The following ARHGEF7 variants were observed in gnomAD, a reference collection of about 807,000 sequenced individuals.
The protein encoded by ARHGEF7 is PAK-interacting exchange factor beta.
ARHGEF7 carries 33 observed loss-of-function variants against 109.8 expected under a neutral mutation model. That is an observed-to-expected ratio of 0.30 (90% CI 0.23 to 0.40). The LOEUF is 0.40. Ranked by LOEUF, ARHGEF7 falls within the 10% of genes least tolerant of loss-of-function variation. ARHGEF7 has a pLI of 1.00. For missense variants in ARHGEF7, 938 were observed against 1,098.5 expected, an observed-to-expected ratio of 0.85 and a Z score of 2.07; for synonymous variants, 458 against 424.6, an observed-to-expected ratio of 1.08 and a Z score of -0.97.
At chr13:111,133,335 CAT>C in intron 1 of ARHGEF7, among the ~76,000 whole-genome samples, 1 of 152,178 alleles carries the variant, frequency 6.6e-6, no homozygotes, top group East Asian at 1.9e-4. Flanking sequence ...CATATGCAGA[CAT>C]ACACATGCAC....
chr13:111,269,868 C>G (rs569789640), intron 9 of ARHGEF7, among the ~76,000 whole-genome samples: 1 of 152,324 alleles, frequency 6.6e-6, no homozygotes, highest in East Asian at 1.9e-4. Context: ...CTACCTCCTG[C>G]CTTTGTACTT....
chr13:111,162,752 T>C (rs2076842365), intron 2 of ARHGEF7, among the ~76,000 whole-genome samples: 1 of 152,234 alleles, frequency 6.6e-6, no homozygotes, highest in Admixed American at 6.5e-5. Flanking sequence ...TTAGATTTTT[T>C]TTAGCCAAGA....
intron 8 of ARHGEF7, among the ~76,000 whole-genome samples, chr13:111,261,221 CAAAA>C (rs1163606477): frequency 2.6e-5 from 4 of 151,082 alleles, no homozygotes; most frequent in Non-Finnish European, 4.4e-5. Flanking sequence ...ACCAAAAAGA[CAAAA>C]AACCCAATGA....
chr13:111,221,413 ATGT>A (rs2084106616), intron 5 of ARHGEF7, among the ~76,000 whole-genome samples: 1 of 16,160 alleles, frequency 6.2e-5, no homozygotes, highest in African/African-American at 1.6e-4. Flanking sequence ...ATATATATAG[ATGT>A]CTATATATCT....
intron 19 of ARHGEF7, chr13:111,294,488 A>G (rs2093380749): frequency 8.1e-6 from 8 of 985,466 alleles, no homozygotes; most frequent in Non-Finnish European, 9.6e-6. Flanking sequence ...ACGGTTTACC[A>G]TCATTCCATT....
intron 3 of ARHGEF7, 86 bp from the exon 4 acceptor site, chr13:111,209,786 C>A: frequency 6.7e-7 from 1 of 1,491,450 alleles, no homozygotes; most frequent in Non-Finnish European, 9.1e-7. Context: ...CTCTGTGCTG[C>A]CCTAGTTTTA....
intron 19 of ARHGEF7, among the ~76,000 whole-genome samples, chr13:111,295,669 ACT>A (rs1437741585): frequency 1.3e-5 from 2 of 151,860 alleles, no homozygotes; most frequent in African/African-American, 2.4e-5. Flanking sequence ...AATGTAGAAA[ACT>A]CTCTCAGCAC....
chr13:111,221,506 T>G lies in ARHGEF7; in HGVS notation c.670+3626T>G, dbSNP rs1364268678. Among the ~76,000 whole-genome samples the G allele has an allele frequency of 3.4e-3, 213 of 62,698 alleles. 4 individuals carry two copies. The highest frequency in any genetic ancestry group is 0.019 in the Middle Eastern group (1 of 54). 41.1% of individuals were successfully genotyped at this position (62,698 alleles called of 152,430 possible). A position where few individuals can be genotyped will look rare whatever the true frequency, so the allele number is the denominator to read the frequency against. On this transcript the variant is annotated intron_variant, in intron 5 of 21. Transcript: ENST00000646102. ...ATATATATAGACATATATATATCTA[T>G]ATATATAGATATATATCTATATATA...
chr13:111,305,057 G>C lies in ARHGEF7; in HGVS notation c.*1944G>C, dbSNP rs769402648. 6.6e-6 allele frequency: 1 copy of C among 152,224 alleles called. No individual in the cohort carries two copies. Among genetic ancestry groups the C allele is most frequent in the African/African-American group, 2.4e-5 (1 of 41,456 alleles). 9.4% of individuals were successfully genotyped at this position (152,224 alleles called of 1,614,324 possible). Reference sequence around the variant, plus strand: ...CTCGGAGCCGGTAGCGTTGCTGTCCGAGTCCCCAGGACGGATCTCCTGCAG... The same window carrying C: ...CTCGGAGCCGGTAGCGTTGCTGTCCCAGTCCCCAGGACGGATCTCCTGCAG... On this transcript the variant is annotated 3_prime_UTR_variant, in exon 22 of 22. Transcript: ENST00000646102.
chr13:111,205,450 A>G, intron 3 of ARHGEF7, 77 bp downstream of exon 3: 1 of 966,116 alleles, frequency 1.0e-6, no homozygotes, highest in Non-Finnish European at 1.5e-6. Flanking sequence ...TGTTTTACCA[A>G]AGCCAGGGGA....
In ARHGEF7 at chr13:111,280,253, G is replaced by A; in HGVS notation, c.1507-19G>A. On this transcript the variant is annotated intron_variant, in intron 13 of 21. Transcript: ENST00000646102. Reference sequence around the variant, plus strand: ...AAGCACTAATTGTTTTTTTTTTTGTGGGGGGGGGTCTTTTTTAGGGAAAGC... The same window carrying A: ...AAGCACTAATTGTTTTTTTTTTTGTAGGGGGGGGTCTTTTTTAGGGAAAGC... The A allele has an allele frequency of 7.6e-7, 1 of 1,312,188 alleles. No homozygotes were observed. Among genetic ancestry groups the A allele is most frequent in the Non-Finnish European group, 1.0e-6 (1 of 955,040 alleles). The allele number at this position is 1,312,188 out of a possible 1,614,324, so 81.3% of individuals were successfully genotyped here.
chr13:111,229,565 C>T (rs2085735508), intron 5 of ARHGEF7, among the ~76,000 whole-genome samples: 1 of 152,128 alleles, frequency 6.6e-6, no homozygotes, highest in Non-Finnish European at 1.5e-5. Flanking sequence ...CTTGATTTTC[C>T]TCTTATTTCT....
intron 8 of ARHGEF7, among the ~76,000 whole-genome samples, chr13:111,254,232 A>G (rs1409499439): frequency 2.0e-5 from 3 of 152,258 alleles, no homozygotes; most frequent in African/African-American, 7.2e-5. Flanking sequence ...CATTCTCAGC[A>G]TATTTGTTGT....
chr13:111,218,815 G>GT (rs1453812861), intron 5 of ARHGEF7, among the ~76,000 whole-genome samples: 1 of 151,942 alleles, frequency 6.6e-6, no homozygotes, highest in Non-Finnish European at 1.5e-5. Flanking sequence ...CTCAGGGAAT[G>GT]TTAATGGCTG....
intron 8 of ARHGEF7, among the ~76,000 whole-genome samples, chr13:111,245,201 G>A (rs768334443): frequency 6.6e-6 from 1 of 152,158 alleles, no homozygotes; most frequent in African/African-American, 2.4e-5. Flanking sequence ...TAATGGTTTT[G>A]TGGAGATTCA....
chr13:111,140,151 T>G (rs2075282547), intron 1 of ARHGEF7, among the ~76,000 whole-genome samples: 1 of 152,236 alleles, frequency 6.6e-6, no homozygotes. Context: ...CCTTCGTTCA[T>G]TAATTCACAA....
intron 1 of ARHGEF7, among the ~76,000 whole-genome samples, chr13:111,120,810 A>G (rs1019170957): frequency 6.6e-6 from 1 of 152,172 alleles, no homozygotes; most frequent in African/African-American, 2.4e-5. Context: ...GTCCCTCGCA[A>G]TACCCATACT....
intron 19 of ARHGEF7, 54 bp from the exon 20 acceptor site, chr13:111,300,694 C>A: frequency 1.6e-6 from 2 of 1,232,256 alleles, no homozygotes; most frequent in South Asian, 1.4e-5. Flanking sequence ...TGTTTTTCTT[C>A]ATTCTGCCAT....
At chr13:111,251,170 C>T (rs1010934885) in intron 8 of ARHGEF7, among the ~76,000 whole-genome samples, 8 of 152,130 alleles carry the variant, frequency 5.3e-5, no homozygotes, top group African/African-American at 1.7e-4. Context: ...AGCATAGACT[C>T]GGGTATGACG....
Sources: gnomAD v4.1 joint callset for allele counts (sites outside exome capture counted in the v4.1 genomes callset) on GRCh38, gnomAD v4.1.1 for gene constraint, MANE v1.5 for transcripts, NCBI Gene and HGNC (gene_info 2026-07-23, HGNC 2026-07-21) for gene names.